The following CFAP47 variants were observed in gnomAD, a reference collection of about 807,000 sequenced individuals.
CFAP47 encodes cilia- and flagella-associated protein 47.
CFAP47 carries 29 observed loss-of-function variants against 148.1 expected under a neutral mutation model. That is an observed-to-expected ratio of 0.20 (90% CI 0.15 to 0.27). The LOEUF (loss-of-function observed/expected upper bound fraction) is 0.27. CFAP47 is among the 10% of genes least tolerant of loss of function. The pLI is 1.00. For synonymous variants in CFAP47, 664 were observed against 577.3 expected, an observed-to-expected ratio of 1.15 and a Z score of -2.15; for missense variants, 1,872 against 1,697.5, an observed-to-expected ratio of 1.10 and a Z score of -1.81.
chrX:36,058,206 C>T (rs1937569251), intron 26 of CFAP47, among the ~76,000 whole-genome samples: 3 of 111,833 alleles, frequency 2.7e-5, no homozygotes, highest in Non-Finnish European at 5.6e-5. Flanking sequence ...ATTTGCCAGC[C>T]ACTCTACATG....
At chrX:35,940,014 G>A (rs1330795458) in intron 2 of CFAP47, among the ~76,000 whole-genome samples, 1 of 110,541 alleles carries the variant, frequency 9.0e-6, no homozygotes, top group African/African-American at 3.3e-5. Context: ...GTATCTCATT[G>A]TGGTTTTGAT....
chrX:36,333,217 T>A (rs182875814), intron 57 of CFAP47, among the ~76,000 whole-genome samples: 14 of 105,316 alleles, frequency 1.3e-4, no homozygotes, highest in Admixed American at 2.2e-4. Context: ...AGTATACATC[T>A]ACCTTTTTTT....
At chrX:36,174,976 A>G (rs1376344934) in intron 39 of CFAP47, among the ~76,000 whole-genome samples, 1 of 111,560 alleles carries the variant, frequency 9.0e-6, no homozygotes, top group Admixed American at 9.4e-5. Flanking sequence ...ATAGTCCCAT[A>G]TTTCTTGGAG....
intron 33 of CFAP47, among the ~76,000 whole-genome samples, chrX:36,121,743 G>C (rs1287617611): frequency 9.0e-6 from 1 of 111,303 alleles, no homozygotes; most frequent in Non-Finnish European, 1.9e-5. Context: ...TCTATGTCTT[G>C]TAATGTTTTT....
intron 1 of CFAP47, among the ~76,000 whole-genome samples, chrX:35,923,964 T>C (rs752693577): frequency 3.0e-5 from 3 of 101,308 alleles, no homozygotes; most frequent in African/African-American, 1.2e-4. Context: ...TATGTACATA[T>C]ATGTGTATGT....
chrX:36,146,778 C>CTTT (rs568139660), intron 36 of CFAP47, among the ~76,000 whole-genome samples: 13 of 87,785 alleles, frequency 1.5e-4, no homozygotes, highest in African/African-American at 4.9e-4. Flanking sequence ...TATTTCTTTT[C>CTTT]TTTTTTTTTT....
intron 57 of CFAP47, among the ~76,000 whole-genome samples, chrX:36,345,963 A>T (rs1941693956): frequency 8.9e-6 from 1 of 111,752 alleles, no homozygotes; most frequent in Admixed American, 9.5e-5. Flanking sequence ...GTGATGTTTT[A>T]AATAGTTTAA....
rs780063832 is a variant in CFAP47 at position 36,049,432 on chromosome X, C to A, written c.4217+2369C>A. On this transcript the variant is annotated intron_variant, in intron 26 of 63. Transcript: ENST00000378653. The stretch of plus-strand genomic sequence containing the variant: ...TACTATATGTCATATATAGATTTTC[C>A]AAAGAATAAGAGATGTTTTCTTTCT... 9.3e-5 allele frequency among the ~76,000 whole-genome samples: 10 copies of A among 107,838 alleles called. No homozygotes were observed. In the East Asian group the frequency reaches 2.6e-3, roughly 28 times the overall value. The allele number at this position is 107,838 out of a possible 115,157, so 93.6% of individuals were successfully genotyped here. A position where few individuals can be genotyped will look rare whatever the true frequency, so the allele number is the denominator to read the frequency against.
chrX:36,191,635 C>T (rs782044058), intron 42 of CFAP47, among the ~76,000 whole-genome samples: 12 of 111,318 alleles, frequency 1.1e-4, no homozygotes, highest in African/African-American at 3.6e-4. Context: ...AACATGCAAG[C>T]TCACCTAGTT....
At position 36,348,159 on chromosome X, in the gene CFAP47, A is replaced by G; in HGVS notation, c.8474A>G (p.Asp2825Gly). ...GCACTGCCTCCTAAAGGAAATATAG[A>G]TATCTCATTGTTATTTATACCTCAA... ...GIALPPKGNI[D>G]ISLLFIPQIM... Residue 2825 changes from aspartate (D) to glycine (G), a missense_variant, in exon 58 of 64, where the codon GAT (aspartate) becomes GGT (glycine). Asp to Gly is a moderately conservative substitution (Grantham distance 94, BLOSUM62 -1). Transcript: ENST00000378653. 1 of 1,040,373 alleles carries G rather than the reference A, an allele frequency of 9.6e-7. No individual in the cohort carries two copies. The highest frequency in any genetic ancestry group is 2.6e-4 in the Middle Eastern group (1 of 3,913). The allele number at this position is 1,040,373 out of a possible 1,213,427, so 85.7% of individuals were successfully genotyped here. A position where few individuals can be genotyped will look rare whatever the true frequency, so the allele number is the denominator to read the frequency against.
intron 22 of CFAP47, among the ~76,000 whole-genome samples, chrX:36,015,435 G>A (rs1937085545): frequency 9.0e-6 from 1 of 110,963 alleles, no homozygotes; most frequent in East Asian, 2.8e-4. Context: ...ATTTTTGCAA[G>A]TTGGCTTTGC....
chrX:36,275,174 C>T (rs1267505129), intron 49 of CFAP47, among the ~76,000 whole-genome samples: 1 of 110,546 alleles, frequency 9.0e-6, no homozygotes, highest in Non-Finnish European at 1.9e-5. Flanking sequence ...GCAACCTTCA[C>T]CTCCCAGGCT....
chrX:35,960,380 G>GAAAAAA (rs1188987905), intron 8 of CFAP47, among the ~76,000 whole-genome samples: 4 of 15,480 alleles, frequency 2.6e-4, no homozygotes, highest in East Asian at 2.5e-3. Flanking sequence ...GCTAATTTCT[G>GAAAAAA]AAAAAAAAAA....
intron 56 of CFAP47, 31 bp downstream of exon 56, chrX:36,311,020 A>G (rs1004146170): frequency 3.6e-6 from 3 of 833,063 alleles, no homozygotes; most frequent in African/African-American, 4.2e-5. Flanking sequence ...TTTACATGTT[A>G]TTTTATAGGT....
chrX:35,992,525 C>T (rs1395417451), intron 17 of CFAP47, among the ~76,000 whole-genome samples: 1 of 111,074 alleles, frequency 9.0e-6, no homozygotes, highest in Non-Finnish European at 1.9e-5. Flanking sequence ...TTTAGCAAAA[C>T]TGAAAAATGA....
intron 30 of CFAP47, among the ~76,000 whole-genome samples, chrX:36,094,501 G>A (rs964282908): frequency 6.3e-5 from 7 of 111,210 alleles, no homozygotes; most frequent in Non-Finnish European, 1.1e-4. Flanking sequence ...TCCAATTCAT[G>A]AACATGGAAT....
intron 17 of CFAP47, among the ~76,000 whole-genome samples, 186 bp from the exon 18 acceptor site, chrX:35,993,004 T>C (rs953625090): frequency 1.8e-4 from 20 of 111,723 alleles, no homozygotes; most frequent in Admixed American, 1.3e-3. Flanking sequence ...TGGATAGGGT[T>C]GCAGTTTCTT....
chrX:35,971,010 T>A (rs1350729785), intron 11 of CFAP47, 87 bp downstream of exon 11: 1 of 709,555 alleles, frequency 1.4e-6, no homozygotes, highest in East Asian at 3.7e-5. Flanking sequence ...TTTCTTTTTA[T>A]TTTAGATGTT....
rs138020578 is a variant in CFAP47, at chrX:36,213,093, T to C, written c.6817+7983T>C. 3.4e-3 allele frequency among the ~76,000 whole-genome samples: 379 copies of C among 111,498 alleles called. 1 individual carries two copies. Among genetic ancestry groups the C allele is most frequent in the Non-Finnish European group, 5.7e-3 (303 of 53,092 alleles). ...ATGCCACTGCATCGAAAGTGAGGTA[T>C]GGTAACCTCCAACTATTATTATTAT... On this transcript the variant is annotated intron_variant, in intron 45 of 63. Transcript: ENST00000378653.
Sources: allele counts gnomAD v4.1 joint callset (sites outside exome capture counted in the v4.1 genomes callset), GRCh38; gene constraint gnomAD v4.1.1; transcripts MANE v1.5; gene names NCBI Gene and HGNC (gene_info 2026-07-23, HGNC 2026-07-21).